FAM149B1: variants seen among roughly 807,000 people sequenced by gnomAD.
FAM149B1 encodes the protein primary cilium assembly protein FAM149B1.
Under a neutral mutation model 75.3 loss-of-function variants are expected in FAM149B1, and 56 were observed. The ratio of observed to expected loss-of-function variants is 0.74; its 90% CI spans 0.60 to 0.93. The LOEUF is 0.93. Ranked by LOEUF, FAM149B1 falls within the 40% of genes least tolerant of loss-of-function variation. The pLI is 0.00. For missense variants in FAM149B1, 639 were observed against 708.4 expected (o/e 0.90, Z 1.11); for synonymous variants, 259 against 256.1 (o/e 1.01, Z -0.11).
chr10:73,172,604 G>A (rs1207099752), intron 1 of FAM149B1, among the ~76,000 whole-genome samples: 1 of 152,098 alleles, frequency 6.6e-6, no homozygotes, highest in African/African-American at 2.4e-5. Context: ...GAATGTATTT[G>A]ACTACAGAGT....
At chr10:73,202,131 C>T (rs911442130) in intron 5 of FAM149B1, among the ~76,000 whole-genome samples, 1 of 152,184 alleles carries the variant, frequency 6.6e-6, no homozygotes, top group African/African-American at 2.4e-5. Flanking sequence ...CGCTACTGCA[C>T]TCCAGCCTGG....
At position 73,243,540 on chromosome 10, in the gene FAM149B1, CA is replaced by C. The variant is rs1434483331; in HGVS notation, c.*2523del. The C allele has an allele frequency of 3.7e-6, 6 of 1,613,392 alleles. No individual in the cohort carries two copies. Among genetic ancestry groups the C allele is most frequent in the Non-Finnish European group, 5.1e-6 (6 of 1,179,876 alleles). ...CTGCTCTGTTTGAGAAGTTAAAACA[CA>C]AGCTTTCACAACATTATCCATAGAC... On this transcript the variant is annotated 3_prime_UTR_variant, in exon 14 of 14. Transcript: ENST00000242505.
intron 7 of FAM149B1, among the ~76,000 whole-genome samples, chr10:73,222,240 G>A (rs1055647290): frequency 6.6e-6 from 1 of 152,120 alleles, no homozygotes; most frequent in Non-Finnish European, 1.5e-5. Flanking sequence ...ATCCATTCTG[G>A]TCTTTCTTTT....
At chr10:73,239,031 A>G (rs1017187283) in intron 12 of FAM149B1, 2 of 298,398 alleles carry the variant, frequency 6.7e-6, no homozygotes, top group East Asian at 1.2e-4. Context: ...GAACTAACTG[A>G]AATATTAAAC....
downstream of FAM149B1, chr10:73,244,504 G>GAAAAAAAAAAAAAAAAA (rs796100576): frequency 1.4e-5 from 1 of 69,814 alleles, no homozygotes. Context: ...AGAAAAAAGA[G>GAAAAAAAAAAAAAAAAA]AAAAAAAAAA....
At chr10:73,202,422 G>A (rs999564965) in intron 5 of FAM149B1, among the ~76,000 whole-genome samples, 2 of 151,660 alleles carry the variant, frequency 1.3e-5, no homozygotes, top group Admixed American at 1.3e-4. Context: ...ATAACGTAAT[G>A]GAATGTTGGG....
Position 73,237,118 on chromosome 10 carries a change from G to A in FAM149B1, c.1602+1800G>A, listed in dbSNP as rs569275153. Among the ~76,000 whole-genome samples the A allele has an allele frequency of 3.9e-5, 6 of 152,252 alleles. No homozygotes were observed. The East Asian group carries it at 7.7e-4, about 20-fold the overall frequency. On this transcript the variant is annotated intron_variant, in intron 12 of 13. Transcript: ENST00000242505. ...TTTAGGGCCCACCCTAATCTAGTGC[G>A]ACTTTACCTTAACTTGATTTATCTG... is the stretch of plus-strand genomic sequence containing the variant.
chr10:73,231,828 A>C (rs1052175106), intron 9 of FAM149B1, among the ~76,000 whole-genome samples: 3 of 152,112 alleles, frequency 2.0e-5, no homozygotes, highest in African/African-American at 7.2e-5. Flanking sequence ...TGGCTAGAGA[A>C]GACAATCAAA....
intron 5 of FAM149B1, chr10:73,201,134 T>C (rs1271662458): frequency 7.4e-6 from 2 of 271,696 alleles, no homozygotes; most frequent in Non-Finnish European, 1.5e-5. Flanking sequence ...AAAACTTTGT[T>C]ACTGAGGAAG....
rs1458219274 is a variant in FAM149B1 at position 73,241,053 on chromosome 10, A to G, written c.*34A>G. 8.2e-7 allele frequency: 1 copy of G among 1,214,762 alleles called. No homozygotes were observed. The highest frequency in any genetic ancestry group is 1.3e-5 in the South Asian group (1 of 76,910). 75.2% of individuals were successfully genotyped at this position (1,214,762 alleles called of 1,614,324 possible). A position where few individuals can be genotyped will look rare whatever the true frequency, so the allele number is the denominator to read the frequency against. ...AGAAGAATCTATCAGGCTGCAGGAA[A>G]CACGAGATTTCATGAAGCAGTATTC... On this transcript the variant is annotated 3_prime_UTR_variant, in exon 14 of 14. Coordinates refer to ENST00000242505, the MANE Select transcript of FAM149B1 (RefSeq NM_173348.2).
intron 7 of FAM149B1, among the ~76,000 whole-genome samples, chr10:73,213,288 T>C (rs2043229278): frequency 6.6e-6 from 1 of 152,216 alleles, no homozygotes; most frequent in East Asian, 1.9e-4. Context: ...GTAGTCTGCT[T>C]ATTCTGTTAT....
Position 73,228,096 on chromosome 10 carries a change from C to G in FAM149B1, c.935C>G (p.Ser312Ter). The G allele has an allele frequency of 6.4e-7, 1 of 1,551,454 alleles. No individual in the cohort carries two copies. Among genetic ancestry groups the G allele is most frequent in the Admixed American group, 2.0e-5 (1 of 51,008 alleles). ...AATGTTGCAGTTACCAGACCCGATT[C>G]AGAAAGTTCCTGTGTGCTGAGTGAA... ...ESNVAVTRPD[S>*]ESSCVLSELH... The change falls in exon 8 of 14, where the codon TCA (serine) becomes TGA (stop). Residue 312 changes from serine to a stop codon, truncating the protein, a stop_gained. Transcript: ENST00000242505. LOFTEE classifies it high-confidence loss of function.
chr10:73,238,354 C>CA (rs1460080986), intron 12 of FAM149B1, among the ~76,000 whole-genome samples: 3 of 151,896 alleles, frequency 2.0e-5, no homozygotes, highest in Non-Finnish European at 2.9e-5. Context: ...TGTCCCCCCA[C>CA]AAAAAAAAGA....
chr10:73,205,936 C>T (rs983226118), intron 5 of FAM149B1, among the ~76,000 whole-genome samples: 2 of 152,148 alleles, frequency 1.3e-5, no homozygotes, highest in Admixed American at 6.5e-5. Context: ...GGATACCTGA[C>T]AATGTGGAAG....
intron 9 of FAM149B1, among the ~76,000 whole-genome samples, chr10:73,232,719 T>C (rs900333678): frequency 2.6e-5 from 4 of 152,196 alleles, no homozygotes; most frequent in African/African-American, 9.7e-5. Context: ...TTCTAGTAAA[T>C]TATGTTTATG....
At chr10:73,178,006 G>A in intron 3 of FAM149B1, 31 bp downstream of exon 3, 1 of 1,512,690 alleles carries the variant, frequency 6.6e-7, no homozygotes, top group Non-Finnish European at 8.8e-7. Context: ...CTGATAGAGT[G>A]CTTGGGAGAT....
At chr10:73,185,152 C>CTTAT (rs2042489725) in intron 3 of FAM149B1, among the ~76,000 whole-genome samples, 2 of 152,218 alleles carry the variant, frequency 1.3e-5, no homozygotes, top group South Asian at 4.1e-4. Flanking sequence ...CATAAATTAA[C>CTTAT]AAATTGACTT....
chr10:73,198,361 A>G (rs1186251450), intron 5 of FAM149B1, among the ~76,000 whole-genome samples: 3 of 152,248 alleles, frequency 2.0e-5, no homozygotes, highest in Non-Finnish European at 4.4e-5. Flanking sequence ...AAATGGTACT[A>G]TATCAAAGGT....
chr10:73,183,679 G>C (rs1222273203), intron 3 of FAM149B1: 11 of 152,150 alleles, frequency 7.2e-5, no homozygotes, highest in Admixed American at 4.6e-4. Flanking sequence ...AATGAAACTG[G>C]ACAAAATGGT....
Sources: gnomAD v4.1 joint callset for allele counts (sites outside exome capture counted in the v4.1 genomes callset) on GRCh38, gnomAD v4.1.1 for gene constraint, MANE v1.5 for transcripts, NCBI Gene and HGNC (gene_info 2026-07-23, HGNC 2026-07-21) for gene names.